Variants in SLC16A9 observed in about 807,000 individuals in gnomAD.
SLC16A9 encodes the protein solute carrier family 16 member 9, also known as monocarboxylate transporter 9.
In SLC16A9, 26 loss-of-function variants were observed where a neutral mutation model predicts 44.3. The observed-to-expected ratio is 0.59, with a 90% confidence interval of 0.43 to 0.81. SLC16A9 has a LOEUF of 0.81. Among genes scored for constraint, SLC16A9 ranks in the 40% least tolerant of loss-of-function variants. The pLI is 0.00. For synonymous variants in SLC16A9, 230 were observed against 225.1 expected, an observed-to-expected ratio of 1.02 and a Z score of -0.19; for missense variants, 559 against 595.8, an observed-to-expected ratio of 0.94 and a Z score of 0.64.
intron 2 of SLC16A9, among the ~76,000 whole-genome samples, chr10:59,677,179 A>T (rs1486691981): frequency 6.6e-6 from 1 of 151,850 alleles, no homozygotes; most frequent in Non-Finnish European, 1.5e-5. Flanking sequence ...TCAAGAGCCA[A>T]TATTATTGTT....
intron 1 of SLC16A9, among the ~76,000 whole-genome samples, chr10:59,705,737 CT>C (rs922856505): frequency 6.6e-6 from 1 of 152,064 alleles, no homozygotes; most frequent in African/African-American, 2.4e-5. Context: ...TTGAAAGAAA[CT>C]GATAGGAAGT....
intron 2 of SLC16A9, among the ~76,000 whole-genome samples, chr10:59,677,174 A>T (rs1488972886): frequency 6.6e-6 from 1 of 151,794 alleles, no homozygotes; most frequent in Admixed American, 6.6e-5. Context: ...AGTGTTCAAG[A>T]GCCAATATTA....
chr10:59,673,173 G>C (rs1234031868), intron 2 of SLC16A9, among the ~76,000 whole-genome samples: 4 of 152,140 alleles, frequency 2.6e-5, no homozygotes, highest in Admixed American at 1.3e-4. Flanking sequence ...GTAAAATGGA[G>C]GTTCTGGAGT....
chr10:59,662,888 TA>T (rs1425136943), intron 4 of SLC16A9, among the ~76,000 whole-genome samples: 4 of 152,150 alleles, frequency 2.6e-5, no homozygotes, highest in Admixed American at 1.3e-4. Flanking sequence ...CTCAAGGATC[TA>T]GAACTAGAAA....
At chr10:59,703,526 AC>A (rs1840571110) in intron 1 of SLC16A9, among the ~76,000 whole-genome samples, 1 of 152,180 alleles carries the variant, frequency 6.6e-6, no homozygotes, top group Non-Finnish European at 1.5e-5. Context: ...AGGGAGTACT[AC>A]CATATGTTTT....
At chr10:59,653,076 G>A (rs990990925) in intron 5 of SLC16A9, 126 bp from the exon 6 acceptor site, 53 of 632,720 alleles carry the variant, frequency 8.4e-5, no homozygotes, top group Non-Finnish European at 1.2e-4. Context: ...TACTTCCAGC[G>A]TGGTTTACTG....
chr10:59,674,610 A>G (rs1564702524), intron 2 of SLC16A9, among the ~76,000 whole-genome samples: 2 of 152,214 alleles, frequency 1.3e-5, no homozygotes, highest in African/African-American at 4.8e-5. Flanking sequence ...TCAAAAATAG[A>G]AACAGTTTTA....
intron 3 of SLC16A9, among the ~76,000 whole-genome samples, chr10:59,669,731 G>T (rs1839701726): frequency 6.6e-6 from 1 of 152,138 alleles, no homozygotes; most frequent in South Asian, 2.1e-4. Flanking sequence ...AGCTTACTCG[G>T]GAGGCTGAGG....
At chr10:59,670,478 C>A (rs757718792) in intron 3 of SLC16A9, among the ~76,000 whole-genome samples, 4 of 152,180 alleles carry the variant, frequency 2.6e-5, no homozygotes, top group Non-Finnish European at 5.9e-5. Context: ...TACAGTCACA[C>A]AGCTGGCAAG....
chr10:59,671,940 G>A (rs1355213159), intron 3 of SLC16A9, among the ~76,000 whole-genome samples: 1 of 152,130 alleles, frequency 6.6e-6, no homozygotes, highest in Admixed American at 6.6e-5. Flanking sequence ...AGTACACAGT[G>A]AATATTAGTT....
At chr10:59,689,130 C>T (rs1461709937) in intron 1 of SLC16A9, among the ~76,000 whole-genome samples, 3 of 152,182 alleles carry the variant, frequency 2.0e-5, no homozygotes, top group Non-Finnish European at 4.4e-5. Context: ...CGATGACTAA[C>T]AGCTTCTGAT....
intron 1 of SLC16A9, among the ~76,000 whole-genome samples, chr10:59,694,627 C>T (rs1191066094): frequency 6.6e-6 from 1 of 150,736 alleles, no homozygotes. Flanking sequence ...ATAGTGAAAC[C>T]CCATCTCTAC....
At chr10:59,699,463 C>A (rs989447767) in intron 1 of SLC16A9, among the ~76,000 whole-genome samples, 1 of 152,176 alleles carries the variant, frequency 6.6e-6, no homozygotes, top group African/African-American at 2.4e-5. Context: ...AGCACACTGG[C>A]TGGTGTCTTG....
At chr10:59,655,812 T>C (rs1839337778) in intron 4 of SLC16A9, among the ~76,000 whole-genome samples, 2 of 152,198 alleles carry the variant, frequency 1.3e-5, no homozygotes, top group African/African-American at 4.8e-5. Flanking sequence ...TTTAAAATGG[T>C]CAGTATTAAA....
At chr10:59,656,032 AG>A (rs949410634) in intron 4 of SLC16A9, among the ~76,000 whole-genome samples, 60 of 152,302 alleles carry the variant, frequency 3.9e-4, no homozygotes, top group African/African-American at 1.4e-3. Context: ...CATTCCCAAA[AG>A]GAAAAAAAAC....
intron 1 of SLC16A9, among the ~76,000 whole-genome samples, chr10:59,686,606 A>G (rs1429473658): frequency 6.6e-6 from 1 of 152,148 alleles, no homozygotes; most frequent in Non-Finnish European, 1.5e-5. Flanking sequence ...CTTAAAAGCT[A>G]TTGATGTCTG....
In SLC16A9 at chr10:59,651,358, G is replaced by C. The variant is rs1354404292; in HGVS notation, c.*1414C>G. On this transcript the variant is annotated 3_prime_UTR_variant, in exon 6 of 6. Transcript: ENST00000395348. ...CCTATTTAAAGAACACTTGGCTATT[G>C]GTTTATAAAATCCCCTGACCTCTTG... 6.6e-6 allele frequency: 1 copy of C among 151,944 alleles called. No homozygotes were observed. Among genetic ancestry groups the C allele is most frequent in the Non-Finnish European group, 1.5e-5 (1 of 67,978 alleles). The allele number at this position is 151,944 out of a possible 1,614,324, so 9.4% of individuals were successfully genotyped here. A position where few individuals can be genotyped will look rare whatever the true frequency, so the allele number is the denominator to read the frequency against.
chr10:59,659,594 G>A (rs866500948), intron 4 of SLC16A9, among the ~76,000 whole-genome samples: 5 of 152,066 alleles, frequency 3.3e-5, no homozygotes, highest in Admixed American at 6.6e-5. Flanking sequence ...AGATCAATGA[G>A]ACAGAAAATT....
chr10:59,666,331 G>A (rs1839617461), intron 3 of SLC16A9, among the ~76,000 whole-genome samples: 2 of 151,684 alleles, frequency 1.3e-5, no homozygotes, highest in Non-Finnish European at 2.9e-5. Flanking sequence ...AAAGCAAAAG[G>A]TGGCATGATT....
Sources: allele counts gnomAD v4.1 joint callset (sites outside exome capture counted in the v4.1 genomes callset), GRCh38; gene constraint gnomAD v4.1.1; transcripts MANE v1.5; gene names NCBI Gene and HGNC (gene_info 2026-07-23, HGNC 2026-07-21).